The following TCERG1 variants were observed in gnomAD, a reference collection of about 807,000 sequenced individuals.
TCERG1 encodes transcription elongation regulator 1.
TCERG1 carries 37 observed loss-of-function variants against 144.7 expected under a neutral mutation model. The ratio of observed to expected loss-of-function variants is 0.26; its 90% CI spans 0.20 to 0.34. TCERG1 has a LOEUF of 0.34. Among genes scored for constraint, TCERG1 ranks in the 10% least tolerant of loss-of-function variants. The probability of loss-of-function intolerance (pLI) is 1.00; values close to 1 mark genes in which losing one functional copy is unlikely to be tolerated. For missense variants in TCERG1, 1,027 were observed against 1,380.7 expected (o/e 0.74, Z 4.06); for synonymous variants, 492 against 458.2 (o/e 1.07, Z -0.94).
At chr5:146,494,253 T>C (rs1033406491) in intron 16 of TCERG1, among the ~76,000 whole-genome samples, 15 of 152,226 alleles carry the variant, frequency 9.9e-5, no homozygotes, top group Admixed American at 7.8e-4. Flanking sequence ...AGTAATTTTC[T>C]TGGGTATTGT....
Position 146,507,833 on chromosome 5 carries a change from G to A in TCERG1, c.2962-40G>A. On this transcript the variant is annotated intron_variant, in intron 20 of 22. Coordinates refer to ENST00000679501, the MANE Select transcript of TCERG1 (RefSeq NM_001382548.1). This position sits in a 1 kb window ranked among gnomAD's most constrained non-coding sequence, Gnocchi z 4.6. The stretch of plus-strand genomic sequence containing the variant: ...CTGCAGTTTGACTCCCTAAGTAAAA[G>A]TGAGTTGTATTTATGTTTTTTATTC... 1 of 1,457,616 alleles carries A rather than the reference G, an allele frequency of 6.9e-7. No homozygotes were observed. The highest frequency in any genetic ancestry group is 2.3e-5 in the East Asian group (1 of 43,426). 90.3% of individuals were successfully genotyped at this position (1,457,616 alleles called of 1,614,324 possible).
chr5:146,505,934 A>T lies in TCERG1; in HGVS notation c.2782-1094A>T, dbSNP rs557967768. 3.7e-4 allele frequency among the ~76,000 whole-genome samples: 56 copies of T among 152,080 alleles called. 1 individual carries two copies. The highest frequency in any genetic ancestry group is 1.2e-3 in the African/African-American group (50 of 41,484). On this transcript the variant is annotated intron_variant, in intron 19 of 22. Transcript: ENST00000679501. ...TGGGACTACAGGCATGCGCCACCAC[A>T]CACAGCTCATTTTTGTATTTTTAGT...
chr5:146,491,449 C>T (rs1330235453), intron 15 of TCERG1, among the ~76,000 whole-genome samples: 7 of 151,970 alleles, frequency 4.6e-5, no homozygotes, highest in Admixed American at 1.3e-4. Flanking sequence ...TGCTGGTATA[C>T]ATCTTGCTCA....
In TCERG1 at chr5:146,482,647, A is replaced by G; in HGVS notation, c.1993A>G (p.Ile665Val). Residue 665 changes from isoleucine to valine, a missense_variant, in exon 14 of 23, where the codon ATT (isoleucine) becomes GTT (valine). Physicochemically the swap from Ile to Val is conservative, Grantham distance 29. Around this residue, in one of 6 missense-constraint regions of TCERG1, gnomAD observed 482 missense variants for 632.6 expected, o/e 0.76. Coordinates refer to ENST00000679501, the MANE Select transcript of TCERG1 (RefSeq NM_001382548.1). ...SEKEAAMEAE[I>V]KAARERAIVP... ...GAAAGAAGCTGCCATGGAAGCTGAA[A>G]TTAAAGCTGCCCGAGAAAGGGCCAT... The G allele has an allele frequency of 6.2e-7, 1 of 1,613,328 alleles. No homozygotes were observed. The highest frequency in any genetic ancestry group is 8.5e-7 in the Non-Finnish European group (1 of 1,179,518).
intron 9 of TCERG1, among the ~76,000 whole-genome samples, chr5:146,472,900 A>G (rs1764474035): frequency 6.6e-6 from 1 of 152,082 alleles, no homozygotes; most frequent in African/African-American, 2.4e-5. Context: ...TTTTTAGTAG[A>G]GATGGGGTTT....
At chr5:146,458,806 A>G in intron 3 of TCERG1, 78 bp from the exon 4 acceptor site, 4 of 1,521,498 alleles carry the variant, frequency 2.6e-6, no homozygotes, top group South Asian at 2.6e-5. Flanking sequence ...AGCTTTAAAG[A>G]TAAAATATGG....
rs186125288 is a variant in TCERG1 at position 146,449,763 on chromosome 5, A to T, written c.59+2355A>T. Among the ~76,000 whole-genome samples the T allele has an allele frequency of 6.5e-4, 99 of 152,344 alleles. 1 individual carries two copies. Among genetic ancestry groups the T allele is most frequent in the African/African-American group, 2.4e-3 (99 of 41,582 alleles). ...GTGGTAGGAATGCAAATCACAATAGATGGAAAATTTATAGACGTTCCAAAT... is the reference window on the plus strand; with the variant it reads ...GTGGTAGGAATGCAAATCACAATAGTTGGAAAATTTATAGACGTTCCAAAT... On this transcript the variant is annotated intron_variant, in intron 1 of 22. Coordinates refer to ENST00000679501, the MANE Select transcript of TCERG1 (RefSeq NM_001382548.1).
At chr5:146,471,093 G>A (rs1316858859) in intron 8 of TCERG1, among the ~76,000 whole-genome samples, 1 of 152,150 alleles carries the variant, frequency 6.6e-6, no homozygotes, top group Admixed American at 6.5e-5. Context: ...CTGCTGTTGT[G>A]TTCTTGCATA....
chr5:146,487,097 G>A (rs1203872539), intron 15 of TCERG1, among the ~76,000 whole-genome samples: 8 of 148,336 alleles, frequency 5.4e-5, no homozygotes, highest in African/African-American at 2.0e-4. Context: ...CAAAAAAAAA[G>A]AACTGCTAAA....
In TCERG1 at chr5:146,479,842, A is replaced by G. The variant is rs1765180988; in HGVS notation, c.1763-13A>G. The G allele has an allele frequency of 6.2e-7, 1 of 1,613,150 alleles. No individual in the cohort carries two copies. The highest frequency in any genetic ancestry group is 1.3e-5 in the African/African-American group (1 of 74,888). ...AAATGACTTTGTAACAATATTTGAA[A>G]TGTTTTTGCCAGGGCACCCAACTCC... On this transcript the variant is annotated splice_polypyrimidine_tract_variant and intron_variant, in intron 10 of 22. Transcript: ENST00000679501.
At chr5:146,457,852 T>C (rs1418872551) in intron 3 of TCERG1, among the ~76,000 whole-genome samples, 2 of 152,158 alleles carry the variant, frequency 1.3e-5, no homozygotes, top group Non-Finnish European at 2.9e-5. Context: ...TTTTGTTGTT[T>C]TGTTTTTGTT....
chr5:146,454,984 G>A (rs1762704213), intron 1 of TCERG1, 72 bp from the exon 2 acceptor site: 6 of 1,492,898 alleles, frequency 4.0e-6, no homozygotes, highest in Admixed American at 3.6e-5. Context: ...TTTGATGGAT[G>A]TAATTAGAGA....
chr5:146,454,126 G>A (rs1332429863), intron 1 of TCERG1, among the ~76,000 whole-genome samples: 3 of 151,796 alleles, frequency 2.0e-5, no homozygotes, highest in East Asian at 1.9e-4. Context: ...GCCTGAACCC[G>A]GGAGGCGGAG....
chr5:146,460,584 A>G (rs77198220), intron 4 of TCERG1, among the ~76,000 whole-genome samples: 9,671 of 152,164 alleles, frequency 0.064, 424 homozygotes, highest in Non-Finnish European at 0.085. Context: ...CTTGGGAATT[A>G]TTAGTGTGTA....
chr5:146,474,615 A>G (rs931346929), intron 9 of TCERG1, among the ~76,000 whole-genome samples: 1 of 152,150 alleles, frequency 6.6e-6, no homozygotes, highest in Non-Finnish European at 1.5e-5. Flanking sequence ...GTCAATTGAT[A>G]TAGAAAACTT....
chr5:146,496,579 C>G (rs1470862844), intron 16 of TCERG1, among the ~76,000 whole-genome samples: 1 of 152,082 alleles, frequency 6.6e-6, no homozygotes, highest in Non-Finnish European at 1.5e-5. Flanking sequence ...TTCTGCATCT[C>G]TGCCAAAACT....
chr5:146,470,936 A>G (rs1581442340), intron 8 of TCERG1, among the ~76,000 whole-genome samples, 188 bp downstream of exon 8: 1 of 152,318 alleles, frequency 6.6e-6, no homozygotes, highest in East Asian at 1.9e-4. Flanking sequence ...TTCTTGTACT[A>G]AACTGAGATC....
rs1762286575 is a variant in TCERG1 at position 146,450,889 on chromosome 5, A to G, written c.59+3481A>G. On this transcript the variant is annotated intron_variant, in intron 1 of 22. Coordinates refer to ENST00000679501, the MANE Select transcript of TCERG1 (RefSeq NM_001382548.1). ...TACTGTGTACCAGCTACCACCCTAAATGTTTCACCGGGATTATCTCATTGA... is the reference window on the plus strand; with the variant it reads ...TACTGTGTACCAGCTACCACCCTAAGTGTTTCACCGGGATTATCTCATTGA... Among the ~76,000 whole-genome samples the G allele has an allele frequency of 2.0e-5, 3 of 152,186 alleles. No homozygotes were observed. In the South Asian group the frequency reaches 6.2e-4, roughly 31 times the overall value.
intron 13 of TCERG1, chr5:146,481,900 G>A (rs1490919024): frequency 6.6e-6 from 1 of 152,108 alleles, no homozygotes; most frequent in African/African-American, 2.4e-5. Flanking sequence ...ACAAGAAGTA[G>A]TTTAGTCATT....
Sources: allele counts gnomAD v4.1 joint callset (sites outside exome capture counted in the v4.1 genomes callset), GRCh38; gene constraint gnomAD v4.1.1; regional missense constraint gnomAD v4.1.1; non-coding constraint Gnocchi (gnomAD v3.1); transcripts MANE v1.5; gene names NCBI Gene and HGNC (gene_info 2026-07-23, HGNC 2026-07-21).